The following ZNF512B variants were observed in gnomAD, a reference collection of about 807,000 sequenced individuals.
ZNF512B encodes the protein zinc finger protein 512B.
A neutral mutation model predicts 87.8 loss-of-function variants in ZNF512B; 22 were observed. That is an observed-to-expected ratio of 0.25 (90% CI 0.18 to 0.36). The LOEUF is 0.36. Among genes scored for constraint, ZNF512B ranks in the 10% least tolerant of loss-of-function variants. The pLI, the probability that ZNF512B is intolerant of heterozygous loss-of-function variation, is 1.00. For missense variants in ZNF512B, 1,060 were observed against 1,231.6 expected (o/e 0.86, Z 2.09); for synonymous variants, 524 against 490.9 (o/e 1.07, Z -0.89).
In ZNF512B at chr20:63,961,974, C is replaced by T. The variant is rs1204118147; in HGVS notation, c.2296G>A (p.Gly766Arg). 1.9e-6 allele frequency: 3 copies of T among 1,551,080 alleles called. No homozygotes were observed. The highest frequency in any genetic ancestry group is 1.4e-5 in the African/African-American group (1 of 73,174). Residue 766 changes from glycine (G) to arginine (R), a missense_variant, in exon 15 of 17, where the codon GGA (glycine) becomes AGA (arginine). By Grantham distance (125) the Gly-to-Arg change is moderately radical (BLOSUM62 -2). This residue lies in a region of ZNF512B where 253 missense variants were observed against 259.2 expected (regional missense o/e 0.98). Coordinates refer to ENST00000369888, the MANE Select transcript of ZNF512B (RefSeq NM_020713.3). This position sits in a 1 kb window ranked among gnomAD's most constrained non-coding sequence, Gnocchi z 6.4. ...CAGCTGGCGAGATGAGCCTTGAGTC[C>T]GGACACGCTGGAGTAGATGGCTTCA... The part of the protein sequence containing the change: ...CCEAIYSSVS[G>R]LKAHLASCSK...
chr20:63,966,787 C>A lies in ZNF512B; in HGVS notation c.394-6G>T. 1 of 1,598,910 alleles carries A rather than the reference C, an allele frequency of 6.3e-7. No homozygotes were observed. The highest frequency in any genetic ancestry group is 8.5e-7 in the Non-Finnish European group (1 of 1,172,306). ...AGGCGATCTGAGATGGCACCCTGGG[C>A]AGGGAAGGGAAGGTTTGGGACAGGG... On this transcript the variant is annotated splice_region_variant and splice_polypyrimidine_tract_variant and intron_variant, in intron 4 of 16. Coordinates refer to ENST00000369888, the MANE Select transcript of ZNF512B (RefSeq NM_020713.3).
Position 63,961,703 on chromosome 20 carries a change from C to T in ZNF512B, c.2328+239G>A, listed in dbSNP as rs138638033. 1.4e-3 allele frequency among the ~76,000 whole-genome samples: 214 copies of T among 152,270 alleles called. No individual in the cohort carries two copies. Among genetic ancestry groups the T allele is most frequent in the Non-Finnish European group, 2.6e-3 (174 of 68,010 alleles). On this transcript the variant is annotated intron_variant, in intron 15 of 16. Coordinates refer to ENST00000369888, the MANE Select transcript of ZNF512B (RefSeq NM_020713.3). This position sits in a 1 kb window ranked among gnomAD's most constrained non-coding sequence, Gnocchi z 6.4. ...GGGTGCCCACCCATGCCTACATGGA[C>T]GCAGAGCTCCAAGGACAGGACTAGG...
rs1316104805 is a variant in ZNF512B, at chr20:63,962,702, C to T, written c.2048G>A (p.Arg683His). 5 of 1,602,300 alleles carry T rather than the reference C, an allele frequency of 3.1e-6. No homozygotes were observed. Among genetic ancestry groups the T allele is most frequent in the East Asian group, 2.2e-5 (1 of 44,478 alleles). Reference sequence around the variant, plus strand: ...CACCGCCACCTGGGCCGACGTGCGGCGGACACGCCCGCTTGGGGTCCGCTC... The same window carrying T: ...CACCGCCACCTGGGCCGACGTGCGGTGGACACGCCCGCTTGGGGTCCGCTC... ...GVERTPSGRV[R>H]RTSAQVAVFH... The change falls in exon 13 of 17, where the codon CGC (arginine) becomes CAC (histidine). Residue 683 changes from arginine (R) to histidine (H), a missense_variant. Physicochemically the swap from Arg to His is conservative, Grantham distance 29. Coordinates refer to ENST00000369888, the MANE Select transcript of ZNF512B (RefSeq NM_020713.3).
At position 63,963,533 on chromosome 20, in the gene ZNF512B, G is replaced by A. The variant is rs987557609; in HGVS notation, c.1698+85C>T. 55 of 1,593,868 alleles carry A rather than the reference G, an allele frequency of 3.5e-5. 1 individual carries two copies. The highest frequency in any genetic ancestry group is 2.4e-4 in the South Asian group (22 of 90,126). ...CCCAGGTGTTGGGCCACCGTTGTCC[G>A]AGGTTAGAAACCGGGGGCACTGCGG... On this transcript the variant is annotated intron_variant, in intron 10 of 16. Transcript: ENST00000369888.
Position 63,961,355 on chromosome 20 carries a change from C to G in ZNF512B, c.2381G>C (p.Ser794Thr), listed in dbSNP as rs779103602. ...GTGGTATTTGACGCCACTCTCAGAA[C>G]TGAACTCCTTCGGACACAGCAGACA... is the stretch of plus-strand genomic sequence containing the variant. ...YRCLLCPKEF[S>T]SESGVKYHIL... Residue 794 changes from serine to threonine, a missense_variant, in exon 16 of 17, where the codon AGT (serine) becomes ACT (threonine). Coordinates refer to ENST00000369888, the MANE Select transcript of ZNF512B (RefSeq NM_020713.3). The surrounding 1 kb of genome is among the most constrained non-coding windows in gnomAD (Gnocchi z 6.4). The G allele has an allele frequency of 1.2e-6, 2 of 1,612,868 alleles. No homozygotes were observed. The highest frequency in any genetic ancestry group is 3.3e-5 in the Admixed American group (2 of 60,020).
intron 16 of ZNF512B, among the ~76,000 whole-genome samples, chr20:63,960,742 G>C (rs1413103291): frequency 7.5e-6 from 1 of 133,712 alleles, no homozygotes; most frequent in East Asian, 2.3e-4. Context: ...CAGCCTTCGG[G>C]ACCAGGCAAG....
intron 1 of ZNF512B, chr20:63,969,036 G>T: frequency 1.2e-6 from 1 of 844,204 alleles, no homozygotes; most frequent in Non-Finnish European, 1.4e-6. Context: ...GTCCAGGAGG[G>T]CCAGAGAGCT....
At position 63,964,191 on chromosome 20, in the gene ZNF512B, G is replaced by A. The variant is rs1413914978; in HGVS notation, c.1360C>T (p.Arg454Ter). 1 of 1,599,790 alleles carries A rather than the reference G, an allele frequency of 6.3e-7. No homozygotes were observed. Among genetic ancestry groups the A allele is most frequent in the Non-Finnish European group, 8.5e-7 (1 of 1,173,608 alleles). ...KGLVKAEDKA[R>*]VHRSKKQEGP... ...TCCTGCTTCTTGGAGCGGTGAACTC[G>A]GGCCTTGTCCTCAGCTTTGACCAGG... Residue 454 changes from arginine to a stop codon, truncating the protein, a stop_gained, in exon 8 of 17, where the codon CGA becomes TGA. Transcript: ENST00000369888. LOFTEE classifies it high-confidence loss of function.
At position 63,966,848 on chromosome 20, in the gene ZNF512B, T is replaced by G. The variant is rs1169035171; in HGVS notation, c.393+28A>C. On this transcript the variant is annotated intron_variant, in intron 4 of 16. Coordinates refer to ENST00000369888, the MANE Select transcript of ZNF512B (RefSeq NM_020713.3). ...CTCTGCCCAAACACACCCCGAGGCC[T>G]CCTCTCCCCCGACCCACAGTCCCTT... is the stretch of plus-strand genomic sequence containing the variant. 4.3e-6 allele frequency: 7 copies of G among 1,612,866 alleles called. No individual in the cohort carries two copies. In the South Asian group the frequency reaches 6.6e-5, roughly 15 times the overall value.
chr20:63,964,779 C>A (rs1274973168), intron 5 of ZNF512B, 63 bp from the exon 6 acceptor site: 1 of 1,582,782 alleles, frequency 6.3e-7, no homozygotes, highest in Non-Finnish European at 8.6e-7. Flanking sequence ...TACCCCCAGG[C>A]CGTGGCCGAG....
At position 63,959,785 on chromosome 20, in the gene ZNF512B, G is replaced by C. The variant is rs978067023; in HGVS notation, c.*103C>G. ...CCCACTGGACGGATGAAGAGGCGGG[G>C]GTGGGGGATGGAGAACTGGAGGACA... On this transcript the variant is annotated 3_prime_UTR_variant, in exon 17 of 17. Coordinates refer to ENST00000369888, the MANE Select transcript of ZNF512B (RefSeq NM_020713.3). The C allele has an allele frequency of 7.0e-7, 1 of 1,430,014 alleles. No homozygotes were observed. Among genetic ancestry groups the C allele is most frequent in the Non-Finnish European group, 9.2e-7 (1 of 1,086,108 alleles). 88.6% of individuals were successfully genotyped at this position (1,430,014 alleles called of 1,614,324 possible).
At position 63,963,114 on chromosome 20, in the gene ZNF512B, C is replaced by T. The variant is rs201462782; in HGVS notation, c.1949G>A (p.Arg650His). 10 of 1,559,302 alleles carry T rather than the reference C, an allele frequency of 6.4e-6. No individual in the cohort carries two copies. Among genetic ancestry groups the T allele is most frequent in the East Asian group, 4.7e-5 (2 of 42,480 alleles). The part of the protein sequence containing the change: ...RSKAGHDYHV[R>H]SEHTAPPPEE... The stretch of plus-strand genomic sequence containing the variant: ...ACTCACGGGGGCCGTGTGCTCCGAG[C>T]GCACGTGGTAGTCGTGGCCAGCCTT... Residue 650 changes from arginine (R) to histidine (H), a missense_variant, in exon 12 of 17, where the codon CGC (arginine) becomes CAC (histidine). Around this residue, in one of 9 missense-constraint regions of ZNF512B, gnomAD observed 165 missense variants for 173.0 expected, o/e 0.95. Coordinates refer to ENST00000369888, the MANE Select transcript of ZNF512B (RefSeq NM_020713.3).
chr20:63,964,566 C>G lies in ZNF512B; in HGVS notation c.1185G>C (p.Pro395=). The change falls in exon 6 of 17, where the codon CCG becomes CCC. Residue 395 remains proline (P), a synonymous_variant. Coordinates refer to ENST00000369888, the MANE Select transcript of ZNF512B (RefSeq NM_020713.3). ...CCTTCAGTGCCTCCATGCCCCCTGA[C>G]GGCCTGCTGCCTGGCGACAAGGAGC... is the stretch of plus-strand genomic sequence containing the variant. ...SSGSLSPGSR[P]SGGMEALKAA... The G allele has an allele frequency of 6.2e-7, 1 of 1,613,082 alleles. No homozygotes were observed. The highest frequency in any genetic ancestry group is 2.2e-5 in the East Asian group (1 of 44,866).
chr20:63,961,992 T>C lies in ZNF512B; in HGVS notation c.2278A>G (p.Ile760Val). Reference sequence around the variant, plus strand: ...TTGAGTCCGGACACGCTGGAGTAGATGGCTTCACAGCACTGCAGGGAAGGG... The same window carrying C: ...TTGAGTCCGGACACGCTGGAGTAGACGGCTTCACAGCACTGCAGGGAAGGG... ...VNCPNDCCEA[I>V]YSSVSGLKAH... Residue 760 changes from isoleucine (I) to valine (V), a missense_variant, in exon 15 of 17, where the codon ATC becomes GTC. Physicochemically the swap from Ile to Val is conservative, Grantham distance 29. Transcript: ENST00000369888. This position sits in a 1 kb window ranked among gnomAD's most constrained non-coding sequence, Gnocchi z 6.4. 1 of 1,550,976 alleles carries C rather than the reference T, an allele frequency of 6.4e-7. No homozygotes were observed. The highest frequency in any genetic ancestry group is 8.7e-7 in the Non-Finnish European group (1 of 1,146,908).
chr20:63,969,358 CAG>C (rs2058957639), intron 1 of ZNF512B, among the ~76,000 whole-genome samples: 1 of 152,198 alleles, frequency 6.6e-6, no homozygotes, highest in Non-Finnish European at 1.5e-5. Context: ...AGCGGGGACA[CAG>C]AGCCCTCGCG....
At position 63,961,694 on chromosome 20, in the gene ZNF512B, C is replaced by CT. The variant is rs2146884645; in HGVS notation, c.2328+247dup. Among the ~76,000 whole-genome samples, 1 of 152,288 alleles carries CT rather than the reference C, an allele frequency of 6.6e-6. No individual in the cohort carries two copies. Among genetic ancestry groups the CT allele is most frequent in the South Asian group, 2.1e-4 (1 of 4,830 alleles). On this transcript the variant is annotated intron_variant, in intron 15 of 16. Transcript: ENST00000369888. The surrounding 1 kb of genome is among the most constrained non-coding windows in gnomAD (Gnocchi z 6.4). ...CGTGGGTCGGGGTGCCCACCCATGC[C>CT]TACATGGACGCAGAGCTCCAAGGAC...
rs756443948 is a variant in ZNF512B at position 63,963,576 on chromosome 20, G to A, written c.1698+42C>T. 5.6e-6 allele frequency: 9 copies of A among 1,609,288 alleles called. No homozygotes were observed. The Admixed American group carries it at 6.7e-5, about 12-fold the overall frequency. ...CACTGCGGTGAAGGTGGGGTGCGAG[G>A]TCAGAGGTCACGCTGGACGGGAGCT... is the stretch of plus-strand genomic sequence containing the variant. On this transcript the variant is annotated intron_variant, in intron 10 of 16. Transcript: ENST00000369888.
At position 63,967,408 on chromosome 20, in the gene ZNF512B, G is replaced by A. The variant is rs374021660; in HGVS notation, c.237C>T (p.Ala79=). 6.7e-5 allele frequency: 108 copies of A among 1,612,156 alleles called. No individual in the cohort carries two copies. Among genetic ancestry groups the A allele is most frequent in the Non-Finnish European group, 8.7e-5 (103 of 1,178,992 alleles). ...GAATGTCTCGGAGGGCCTGGTTCTC[G>A]GCTTTTGGCCGCCCCTTTTTCTTCC... ...TEGKKKGRPK[A]ENQALRDIPL... The change falls in exon 3 of 17, where the codon GCC becomes GCT. Residue 79 remains alanine (A), a synonymous_variant. Coordinates refer to ENST00000369888, the MANE Select transcript of ZNF512B (RefSeq NM_020713.3).
intron 14 of ZNF512B, 134 bp downstream of exon 14, chr20:63,962,139 C>A (rs1183843627): frequency 7.7e-7 from 1 of 1,304,244 alleles, no homozygotes; most frequent in Non-Finnish European, 1.1e-6. Flanking sequence ...ACTGGGCAGG[C>A]TGGGCATGTG....
Sources: gnomAD v4.1 joint callset for allele counts (sites outside exome capture counted in the v4.1 genomes callset) on GRCh38, gnomAD v4.1.1 for gene constraint, gnomAD v4.1.1 regional missense constraint, Gnocchi (gnomAD v3.1) non-coding constraint, MANE v1.5 for transcripts, NCBI Gene and HGNC (gene_info 2026-07-23, HGNC 2026-07-21) for gene names.